The following SLC7A13 variants were observed in gnomAD, a reference collection of about 807,000 sequenced individuals.
SLC7A13 encodes the protein X-amino acid transporter 2.
Under a neutral mutation model 32.0 loss-of-function variants are expected in SLC7A13, and 31 were observed. The ratio of observed to expected loss-of-function variants is 0.97; its 90% CI spans 0.73 to 1.31. The LOEUF (loss-of-function observed/expected upper bound fraction) is 1.31, where lower values mean the gene tolerates loss of function less well. Ranked by LOEUF, SLC7A13 falls within the 50% of genes most tolerant of loss-of-function variation. SLC7A13 has a pLI of 0.00. For synonymous variants in SLC7A13, 232 were observed against 206.9 expected, an observed-to-expected ratio of 1.12 and a Z score of -1.04; for missense variants, 633 against 546.9, an observed-to-expected ratio of 1.16 and a Z score of -1.57.
At chr8:86,217,943 T>C (rs1221154570) in intron 2 of SLC7A13, 112 bp from the exon 3 acceptor site, 14 of 1,163,854 alleles carry the variant, frequency 1.2e-5, no homozygotes, top group East Asian at 2.7e-5. Flanking sequence ...ATTAATAACA[T>C]TTAGTTTGCT....
chr8:86,218,614 G>A (rs957119053), intron 2 of SLC7A13, among the ~76,000 whole-genome samples: 1 of 150,984 alleles, frequency 6.6e-6, no homozygotes, highest in Admixed American at 6.6e-5. Context: ...AAATGTTCAT[G>A]GTACTAAGAT....
chr8:86,215,318 A>G (rs1820161497), intron 3 of SLC7A13, among the ~76,000 whole-genome samples: 1 of 152,178 alleles, frequency 6.6e-6, no homozygotes, highest in Non-Finnish European at 1.5e-5. Flanking sequence ...CCAAAGATAT[A>G]TATTACACAG....
At chr8:86,226,477 T>C (rs145075838) in intron 1 of SLC7A13, among the ~76,000 whole-genome samples, 2 of 152,332 alleles carry the variant, frequency 1.3e-5, no homozygotes, top group East Asian at 1.9e-4. Flanking sequence ...TTCTGAAGCA[T>C]TTAACCAGAT....
chr8:86,229,501 C>CAA (rs1224786288), intron 1 of SLC7A13, 92 bp downstream of exon 1: 1 of 1,170,484 alleles, frequency 8.5e-7, no homozygotes, highest in African/African-American at 1.6e-5. Context: ...AACATTAAAT[C>CAA]ATTTAAGACT....
chr8:86,220,174 T>TA lies in SLC7A13; in HGVS notation c.818-2344dup, dbSNP rs570774987. 1.1e-3 allele frequency among the ~76,000 whole-genome samples: 161 copies of TA among 152,248 alleles called. 1 individual carries two copies. The highest frequency in any genetic ancestry group is 3.7e-3 in the African/African-American group (152 of 41,548). On this transcript the variant is annotated intron_variant, in intron 2 of 3. Coordinates refer to ENST00000297524, the MANE Select transcript of SLC7A13 (RefSeq NM_138817.3). ...AGCTTCTGCTTCCATAAAATGTATTTACGGTTTTAGATTATCTGATCCTAT... is the reference window on the plus strand; with the variant it reads ...AGCTTCTGCTTCCATAAAATGTATTTAACGGTTTTAGATTATCTGATCCTAT...
At chr8:86,219,962 T>C (rs1285420403) in intron 2 of SLC7A13, among the ~76,000 whole-genome samples, 2 of 152,102 alleles carry the variant, frequency 1.3e-5, no homozygotes, top group African/African-American at 4.8e-5. Flanking sequence ...AAAATTGCCC[T>C]CCAAAAATAA....
In SLC7A13 at chr8:86,214,576, G is replaced by A; in HGVS notation, c.1250C>T (p.Ser417Phe). 6.2e-7 allele frequency: 1 copy of A among 1,613,732 alleles called. No individual in the cohort carries two copies. The highest frequency in any genetic ancestry group is 8.5e-7 in the Non-Finnish European group (1 of 1,179,832). ...VGLVVIPLVK[S>F]PNVHYVYVLL... The stretch of plus-strand genomic sequence containing the variant: ...CACGTAGACATAATGCACATTTGGA[G>A]ACTTTACCAATGGTATCACAACCAA... Residue 417 changes from serine (S) to phenylalanine (F), a missense_variant, in exon 4 of 4, where the codon TCT (serine) becomes TTT (phenylalanine). By Grantham distance (155) the Ser-to-Phe change is radical (BLOSUM62 -2). Transcript: ENST00000297524.
chr8:86,214,878 C>T (rs972026037), intron 3 of SLC7A13, among the ~76,000 whole-genome samples: 5 of 152,092 alleles, frequency 3.3e-5, no homozygotes, highest in African/African-American at 1.2e-4. Context: ...TTTGACTGCT[C>T]ATGAATGGAA....
chr8:86,214,760 A>C, intron 3 of SLC7A13, 114 bp from the exon 4 acceptor site: 1 of 753,032 alleles, frequency 1.3e-6, no homozygotes, highest in Non-Finnish European at 2.1e-6. Flanking sequence ...AACAGGCTAA[A>C]TTAGCTGTAA....
In SLC7A13 at chr8:86,229,607, A is replaced by G; in HGVS notation, c.671T>C (p.Phe224Ser). The G allele has an allele frequency of 6.2e-7, 1 of 1,613,470 alleles. No homozygotes were observed. Among genetic ancestry groups the G allele is most frequent in the Non-Finnish European group, 8.5e-7 (1 of 1,179,734 alleles). ...TGGATTGTTACCTGCTATAAGTGTA[A>G]AGCATGCCCCGCCTGAATATGCAAA... Reference protein sequence around the residue: ...GYFAYSGGACFTLIAGELKKP... With the variant: ...GYFAYSGGACSTLIAGELKKP... Residue 224 changes from phenylalanine to serine, a missense_variant, in exon 1 of 4, where the codon TTT becomes TCT. Coordinates refer to ENST00000297524, the MANE Select transcript of SLC7A13 (RefSeq NM_138817.3).
At position 86,218,668 on chromosome 8, in the gene SLC7A13, T is replaced by G. The variant is rs995583555; in HGVS notation, c.818-837A>C. On this transcript the variant is annotated intron_variant, in intron 2 of 3. Coordinates refer to ENST00000297524, the MANE Select transcript of SLC7A13 (RefSeq NM_138817.3). ...AGAATATTCTACTTTTTTTTTTTTT[T>G]GCTTAAAGATAAAAGATCTTATGAG... is the stretch of plus-strand genomic sequence containing the variant. Among the ~76,000 whole-genome samples the G allele has an allele frequency of 2.0e-5, 3 of 151,584 alleles. No individual in the cohort carries two copies. The South Asian group carries it at 6.2e-4, about 31-fold the overall frequency.
At chr8:86,225,133 T>A (rs1426900387) in intron 1 of SLC7A13, among the ~76,000 whole-genome samples, 2 of 152,176 alleles carry the variant, frequency 1.3e-5, no homozygotes, top group African/African-American at 4.8e-5. Flanking sequence ...AGTTAATGTA[T>A]GTGGGTTTCT....
chr8:86,230,082 A>G lies in SLC7A13; in HGVS notation c.196T>C (p.Cys66Arg), dbSNP rs772003345. 1.9e-6 allele frequency: 3 copies of G among 1,614,056 alleles called. No homozygotes were observed. In the African/African-American group the frequency reaches 4.0e-5, roughly 22 times the overall value. Residue 66 changes from cysteine (C) to arginine (R), a missense_variant, in exon 1 of 4, where the codon TGC becomes CGC. Coordinates refer to ENST00000297524, the MANE Select transcript of SLC7A13 (RefSeq NM_138817.3). ...CAILAMTSTL[C>R]SAEISISFPC... ...AAGCTTATACTTATCTCTGCAGAGC[A>G]AAGAGTTGATGTCATGGCCAGTATG...
rs566500220 is a variant in SLC7A13 at position 86,215,110 on chromosome 8, A to T, written c.1180-464T>A. On this transcript the variant is annotated intron_variant, in intron 3 of 3. Transcript: ENST00000297524. ...AATGTTGTAACTTTATAGGCTCAGC[A>T]TATTAAAAAAAAAATCAAGACAAAA... Among the ~76,000 whole-genome samples the T allele has an allele frequency of 3.4e-4, 51 of 152,170 alleles. 1 individual carries two copies. In the South Asian group the frequency reaches 0.01, roughly 30 times the overall value.
intron 2 of SLC7A13, among the ~76,000 whole-genome samples, chr8:86,222,355 T>C (rs1820311370): frequency 6.6e-6 from 1 of 152,148 alleles, no homozygotes; most frequent in African/African-American, 2.4e-5. Context: ...CTGTTACTCA[T>C]TTTTCAATGT....
intron 1 of SLC7A13, 22 bp from the exon 2 acceptor site, chr8:86,223,125 A>G: frequency 6.5e-7 from 1 of 1,542,148 alleles, no homozygotes; most frequent in East Asian, 2.3e-5. Flanking sequence ...AAGAGGACAC[A>G]ACCATAATTG....
At chr8:86,227,889 G>C (rs895287686) in intron 1 of SLC7A13, among the ~76,000 whole-genome samples, 1 of 152,128 alleles carries the variant, frequency 6.6e-6, no homozygotes, top group African/African-American at 2.4e-5. Flanking sequence ...TAAACAGTAA[G>C]TACACATGGA....
chr8:86,221,248 C>T (rs1177565365), intron 2 of SLC7A13, among the ~76,000 whole-genome samples: 3 of 152,012 alleles, frequency 2.0e-5, no homozygotes, highest in Non-Finnish European at 2.9e-5. Context: ...TCATCTTTTA[C>T]AAATCACAGA....
intron 2 of SLC7A13, among the ~76,000 whole-genome samples, chr8:86,220,590 T>C (rs1165138097): frequency 6.6e-6 from 1 of 152,136 alleles, no homozygotes; most frequent in Non-Finnish European, 1.5e-5. Flanking sequence ...AAATAAAATG[T>C]AGTATCCAAT....
Sources: gnomAD v4.1 joint callset for allele counts (sites outside exome capture counted in the v4.1 genomes callset) on GRCh38, gnomAD v4.1.1 for gene constraint, MANE v1.5 for transcripts, NCBI Gene and HGNC (gene_info 2026-07-23, HGNC 2026-07-21) for gene names.